Variants in SMAGP observed in about 807,000 individuals in gnomAD.
SMAGP encodes the protein small cell adhesion glycoprotein.
SMAGP carries 7 observed loss-of-function variants against 10.1 expected under a neutral mutation model. The observed-to-expected ratio is 0.70, with a 90% CI of 0.40 to 1.31. The LOEUF is 1.31. SMAGP is among the 50% of genes most tolerant of loss of function. SMAGP has a pLI of 0.01. For synonymous variants in SMAGP, 49 were observed against 47.2 expected, an observed-to-expected ratio of 1.04 and a Z score of -0.16; for missense variants, 113 against 116.5, an observed-to-expected ratio of 0.97 and a Z score of 0.14.
At chr12:51,262,276 T>C (rs148513777) in intron 2 of SMAGP, among the ~76,000 whole-genome samples, 1,760 of 151,838 alleles carry the variant, frequency 0.012, 49 homozygotes, top group East Asian at 0.11. Context: ...GTCCAGGAGT[T>C]CAAGACCAAC....
intron 2 of SMAGP, among the ~76,000 whole-genome samples, chr12:51,262,316 C>T (rs576792450): frequency 2.0e-5 from 3 of 150,482 alleles, no homozygotes; most frequent in South Asian, 4.2e-4. Context: ...CCTGTCTCTA[C>T]AAAAAATACA....
At chr12:51,260,206 CTTTTT>C (rs1274632737) in intron 2 of SMAGP, among the ~76,000 whole-genome samples, 2,907 of 104,826 alleles carry the variant, frequency 0.028, 75 homozygotes, top group African/African-American at 0.094. Context: ...GTCATGGTTT[CTTTTT>C]TTTTTTTTTT....
chr12:51,256,406 T>A (rs1380765759), intron 2 of SMAGP, among the ~76,000 whole-genome samples: 2 of 151,282 alleles, frequency 1.3e-5, no homozygotes, highest in Admixed American at 1.3e-4. Flanking sequence ...GGCAACATAG[T>A]GGGACCTCAG....
In SMAGP at chr12:51,246,009, G is replaced by A. The variant is rs1944764559; in HGVS notation, c.226C>T (p.Pro76Ser). The change falls in exon 4 of 4, where the codon CCC (proline) becomes TCC (serine). Residue 76 changes from proline to serine, a missense_variant. Transcript: ENST00000603798. ...CTCTCCATCTGGACGATGGCACTGG[G>A]CTCACCTTCTGTAGGTTCATAGGTG... ...YVTYEPTEGE[P>S]SAIVQMESDL... 6.2e-7 allele frequency: 1 copy of A among 1,613,908 alleles called. No individual in the cohort carries two copies. The highest frequency in any genetic ancestry group is 2.2e-5 in the East Asian group (1 of 44,886).
chr12:51,261,360 G>C (rs1249105269), intron 2 of SMAGP, among the ~76,000 whole-genome samples: 1 of 152,166 alleles, frequency 6.6e-6, no homozygotes, highest in African/African-American at 2.4e-5. Flanking sequence ...CTCCCAAAGT[G>C]CTGGGATTAC....
At chr12:51,252,728 C>A (rs1026631648) in intron 2 of SMAGP, among the ~76,000 whole-genome samples, 1 of 151,926 alleles carries the variant, frequency 6.6e-6, no homozygotes, top group Non-Finnish European at 1.5e-5. Context: ...GCAACAAGAA[C>A]AAAGAAAAAG....
chr12:51,268,780 T>G (rs2137314160), intron 2 of SMAGP, among the ~76,000 whole-genome samples: 1 of 152,184 alleles, frequency 6.6e-6, no homozygotes, highest in South Asian at 2.1e-4. Context: ...GAGATGGAGT[T>G]TCACCATGTT....
intron 2 of SMAGP, among the ~76,000 whole-genome samples, chr12:51,247,162 G>C (rs1465702681): frequency 6.6e-6 from 1 of 152,144 alleles, no homozygotes; most frequent in Non-Finnish European, 1.5e-5. Context: ...TCTGCAAAAT[G>C]GAGGTAAGAG....
intron 2 of SMAGP, among the ~76,000 whole-genome samples, chr12:51,258,659 A>C (rs950034289): frequency 6.6e-6 from 1 of 152,024 alleles, no homozygotes; most frequent in African/African-American, 2.4e-5. Flanking sequence ...AGAGAAATAC[A>C]GCCTGGCTAT....
chr12:51,259,714 T>A (rs1444707478), intron 2 of SMAGP, among the ~76,000 whole-genome samples: 1 of 151,984 alleles, frequency 6.6e-6, no homozygotes, highest in East Asian at 1.9e-4. Flanking sequence ...TGATTTTAAT[T>A]TTCTTCTTTT....
chr12:51,266,146 C>T (rs1458702804), intron 2 of SMAGP, among the ~76,000 whole-genome samples: 2 of 151,546 alleles, frequency 1.3e-5, no homozygotes, highest in South Asian at 2.1e-4. Context: ...TTCAGTTACC[C>T]GTGGTCAACT....
chr12:51,268,288 C>A (rs1355758278), intron 2 of SMAGP, among the ~76,000 whole-genome samples: 1 of 152,018 alleles, frequency 6.6e-6, no homozygotes, highest in African/African-American at 2.4e-5. Context: ...ACTACACACT[C>A]TTCTAGGTGT....
chr12:51,267,299 G>C (rs958914381), intron 2 of SMAGP, among the ~76,000 whole-genome samples: 1 of 151,902 alleles, frequency 6.6e-6, no homozygotes, highest in Non-Finnish European at 1.5e-5. Flanking sequence ...TTCACACATG[G>C]TATGAGGTAT....
At chr12:51,260,587 C>T (rs1257545657) in intron 2 of SMAGP, among the ~76,000 whole-genome samples, 1 of 151,010 alleles carries the variant, frequency 6.6e-6, no homozygotes, top group Non-Finnish European at 1.5e-5. Flanking sequence ...ACCGTGTTAG[C>T]CAGGATGGTC....
At chr12:51,252,890 A>G (rs371988402) in intron 2 of SMAGP, among the ~76,000 whole-genome samples, 1 of 152,238 alleles carries the variant, frequency 6.6e-6, no homozygotes, top group African/African-American at 2.4e-5. Context: ...AAGTGAGCTC[A>G]AGAGAAGCAA....
intron 2 of SMAGP, among the ~76,000 whole-genome samples, chr12:51,267,176 C>A (rs932150747): frequency 1.3e-5 from 2 of 152,076 alleles, no homozygotes; most frequent in African/African-American, 4.8e-5. Flanking sequence ...AGGTTCTAAT[C>A]CCTCAGCTAG....
intron 2 of SMAGP, among the ~76,000 whole-genome samples, chr12:51,248,370 G>T (rs183743015): frequency 4.8e-4 from 72 of 150,022 alleles, no homozygotes; most frequent in Admixed American, 3.8e-3. Context: ...AACCACTCTG[G>T]CCTTGGGCGA....
rs543538669 is a variant in SMAGP at position 51,255,143 on chromosome 12, C to T, written c.35-8312G>A. The stretch of plus-strand genomic sequence containing the variant: ...CTCCACCTCCCAGGCTCAAGCGATC[C>T]TCCTGCCTCAGCCTCTGGAGTAGCT... On this transcript the variant is annotated intron_variant, in intron 2 of 3. Coordinates refer to ENST00000603798, the MANE Select transcript of SMAGP (RefSeq NM_001031628.2). Among the ~76,000 whole-genome samples the T allele has an allele frequency of 2.0e-5, 3 of 152,284 alleles. No individual in the cohort carries two copies. In the South Asian group the frequency reaches 6.2e-4, roughly 32 times the overall value.
At chr12:51,249,136 C>G (rs1944812541) in intron 2 of SMAGP, among the ~76,000 whole-genome samples, 1 of 152,066 alleles carries the variant, frequency 6.6e-6, no homozygotes, top group Admixed American at 6.6e-5. Flanking sequence ...CAGAAGTTCC[C>G]GGAGGGTGAC....
Sources: gnomAD v4.1 joint callset for allele counts (sites outside exome capture counted in the v4.1 genomes callset) on GRCh38, gnomAD v4.1.1 for gene constraint, MANE v1.5 for transcripts, NCBI Gene and HGNC (gene_info 2026-07-23, HGNC 2026-07-21) for gene names.